The following PTGER3 variants were observed in gnomAD, a reference collection of about 807,000 sequenced individuals.
PTGER3 encodes prostaglandin E2 receptor EP3 subtype.
In PTGER3, 22 loss-of-function variants were observed where a neutral mutation model predicts 34.7. That is an observed-to-expected ratio of 0.63 (90% CI 0.45 to 0.91). PTGER3 has a LOEUF of 0.91. PTGER3 is among the 40% of genes least tolerant of loss of function. The probability of loss-of-function intolerance (pLI) is 0.00; values close to 1 mark genes in which losing one functional copy is unlikely to be tolerated. For synonymous variants in PTGER3, 241 were observed against 230.1 expected, an observed-to-expected ratio of 1.05 and a Z score of -0.43; for missense variants, 468 against 519.4, an observed-to-expected ratio of 0.90 and a Z score of 0.96.
intron 4 of PTGER3, among the ~76,000 whole-genome samples, chr1:70,896,966 C>T (rs953081050): frequency 6.6e-6 from 1 of 152,126 alleles, no homozygotes; most frequent in African/African-American, 2.4e-5. Context: ...GAGTAAAACT[C>T]TAGGCACTCC....
intron 1 of PTGER3, among the ~76,000 whole-genome samples, chr1:71,014,312 C>T (rs1211585367): frequency 6.6e-6 from 1 of 152,204 alleles, no homozygotes; most frequent in Non-Finnish European, 1.5e-5. Context: ...TTGATACACT[C>T]ACCCTGGATC....
intron 1 of PTGER3, among the ~76,000 whole-genome samples, chr1:71,021,200 T>A (rs1202348838): frequency 6.6e-6 from 1 of 152,156 alleles, no homozygotes; most frequent in Non-Finnish European, 1.5e-5. Flanking sequence ...TAATGCAGAA[T>A]CATTATTCAG....
chr1:70,947,782 A>G (rs753665845), downstream of PTGER3, among the ~76,000 whole-genome samples: 3 of 152,164 alleles, frequency 2.0e-5, no homozygotes, highest in Non-Finnish European at 4.4e-5. Flanking sequence ...TGACTAAAAT[A>G]AACAATGTGA....
intron 4 of PTGER3, among the ~76,000 whole-genome samples, chr1:70,939,623 C>T (rs1649570376): frequency 6.6e-6 from 1 of 152,256 alleles, no homozygotes; most frequent in African/African-American, 2.4e-5. Flanking sequence ...CTTCTGTGCA[C>T]CCACAGGCTC....
chr1:71,002,998 G>C (rs763359032), intron 2 of PTGER3, among the ~76,000 whole-genome samples: 3 of 152,150 alleles, frequency 2.0e-5, no homozygotes, highest in Non-Finnish European at 4.4e-5. Flanking sequence ...AGCTGTTTAT[G>C]ATTGACAAAT....
chr1:71,016,814 A>C (rs1657947394), intron 1 of PTGER3, among the ~76,000 whole-genome samples: 5 of 151,914 alleles, frequency 3.3e-5, no homozygotes, highest in Admixed American at 3.3e-4. Context: ...AAAAAAAAAA[A>C]ATTGTATGTA....
chr1:70,917,287 G>A (rs1647196209), intron 4 of PTGER3, among the ~76,000 whole-genome samples: 2 of 151,390 alleles, frequency 1.3e-5, no homozygotes, highest in Admixed American at 6.6e-5. Flanking sequence ...GAGATCATGT[G>A]CTGTTTGTCT....
intron 2 of PTGER3, among the ~76,000 whole-genome samples, chr1:70,991,008 T>C (rs1324978793): frequency 6.6e-6 from 1 of 152,198 alleles, no homozygotes; most frequent in Non-Finnish European, 1.5e-5. Context: ...CGTCATTCAC[T>C]TCATAGGCTT....
In PTGER3 at chr1:70,952,662, T is replaced by G. The variant is rs34531883; in HGVS notation, c.*245A>C. 1.6e-4 allele frequency: 178 copies of G among 1,114,052 alleles called. 1 individual carries two copies. In the East Asian group the frequency reaches 8.7e-3, roughly 55 times the overall value. The allele number at this position is 1,114,052 out of a possible 1,614,324, so 69.0% of individuals were successfully genotyped here. A position where few individuals can be genotyped will look rare whatever the true frequency, so the allele number is the denominator to read the frequency against. ...ACTAAAGCAGCAGTCTTGGCAATTC[T>G]GAACCATGTGCTATTCTTACTATAA... On this transcript the variant is annotated 3_prime_UTR_variant, in exon 4 of 4. Transcript: ENST00000356595.
intron 1 of PTGER3, among the ~76,000 whole-genome samples, chr1:71,039,507 G>C (rs571840076): frequency 6.6e-6 from 1 of 151,682 alleles, no homozygotes; most frequent in African/African-American, 2.4e-5. Flanking sequence ...AAAATTAGCC[G>C]GGTGTGGTGG....
intron 2 of PTGER3, chr1:71,007,496 T>C: frequency 1.0e-6 from 1 of 985,410 alleles, no homozygotes; most frequent in Non-Finnish European, 1.2e-6. Flanking sequence ...TGTTCAAAGA[T>C]AAATGCAGTC....
intron 1 of PTGER3, among the ~76,000 whole-genome samples, chr1:71,040,813 G>A (rs1330767915): frequency 6.6e-6 from 1 of 152,178 alleles, no homozygotes; most frequent in Admixed American, 6.5e-5. Flanking sequence ...GGGGTATCAT[G>A]AGATCAGGGC....
chr1:70,867,466 ATCCC>A, intron 4 of PTGER3, among the ~76,000 whole-genome samples: 1 of 152,194 alleles, frequency 6.6e-6, no homozygotes. Flanking sequence ...CACACCTGTA[ATCCC>A]AGCATGTTGG....
chr1:70,864,285 G>A (rs1043805821), intron 4 of PTGER3, among the ~76,000 whole-genome samples: 5 of 152,070 alleles, frequency 3.3e-5, no homozygotes, highest in African/African-American at 7.2e-5. Context: ...GGTAATTAAT[G>A]TGCTGTTATT....
At chr1:70,913,127 G>GTA (rs1190563670) in intron 4 of PTGER3, among the ~76,000 whole-genome samples, 1 of 151,924 alleles carries the variant, frequency 6.6e-6, no homozygotes, top group African/African-American at 2.4e-5. Flanking sequence ...TGTGAACACA[G>GTA]TATATGTCTC....
intron 4 of PTGER3, among the ~76,000 whole-genome samples, chr1:70,928,895 AC>A (rs1648410954): frequency 6.9e-6 from 1 of 144,266 alleles, no homozygotes; most frequent in Non-Finnish European, 1.5e-5. Flanking sequence ...ACACACACAC[AC>A]TATATATATA....
chr1:70,904,755 G>A (rs1646910508), intron 4 of PTGER3, among the ~76,000 whole-genome samples: 1 of 152,168 alleles, frequency 6.6e-6, no homozygotes, highest in African/African-American at 2.4e-5. Flanking sequence ...GAGCATAAAA[G>A]TTCAGAAAAG....
intron 1 of PTGER3, among the ~76,000 whole-genome samples, chr1:71,045,168 T>C (rs1660650503): frequency 6.6e-6 from 1 of 152,188 alleles, no homozygotes; most frequent in African/African-American, 2.4e-5. Flanking sequence ...TGTCCCCTCA[T>C]GTCACTGATT....
chr1:70,958,719 G>A (rs925047360), intron 2 of PTGER3, among the ~76,000 whole-genome samples: 2 of 151,926 alleles, frequency 1.3e-5, no homozygotes, highest in African/African-American at 2.4e-5. Flanking sequence ...TTGTTGCCAG[G>A]GCTTTTGAAG....
Sources: gnomAD v4.1 joint callset for allele counts (sites outside exome capture counted in the v4.1 genomes callset) on GRCh38, gnomAD v4.1.1 for gene constraint, MANE v1.5 for transcripts, NCBI Gene and HGNC (gene_info 2026-07-23, HGNC 2026-07-21) for gene names.